Variants in CUZD1 observed in about 807,000 individuals in gnomAD.
CUZD1 encodes CUB and zona pellucida-like domain-containing protein 1.
In CUZD1, 42 loss-of-function variants were observed where a neutral mutation model predicts 53.1. That is an observed-to-expected ratio of 0.79 (90% CI 0.62 to 1.02). The LOEUF (loss-of-function observed/expected upper bound fraction) is 1.02, where lower values mean the gene tolerates loss of function less well. Among genes scored for constraint, CUZD1 ranks in the 50% least tolerant of loss-of-function variants. CUZD1 has a pLI of 0.00. For missense variants in CUZD1, 670 were observed against 715.7 expected (o/e 0.94, Z 0.73); for synonymous variants, 238 against 257.2 (o/e 0.93, Z 0.71).
rs924437049 is a variant in CUZD1, at chr10:122,832,329, A to T, written c.1773T>A (p.His591Gln). ...VVTVATITVR[H>Q]FVNQRADYKY... ...TGTAGTCTGCCCGTTGATTTACAAA[A>T]TGCCTCACTGTGATTGTCGCTACAG... Residue 591 changes from histidine (H) to glutamine (Q), a missense_variant, in exon 9 of 9, where the codon CAT becomes CAA. By Grantham distance (24) the His-to-Gln change is conservative. Coordinates refer to ENST00000392790, the MANE Select transcript of CUZD1 (RefSeq NM_022034.6). 10 of 1,614,056 alleles carry T rather than the reference A, an allele frequency of 6.2e-6. No individual in the cohort carries two copies. The highest frequency in any genetic ancestry group is 5.9e-6 in the Non-Finnish European group (7 of 1,180,010).
chr10:122,835,673 CA>C (rs1847238302), intron 6 of CUZD1, among the ~76,000 whole-genome samples: 3 of 152,000 alleles, frequency 2.0e-5, no homozygotes, highest in Admixed American at 1.3e-4. Context: ...CTAAAGAGAC[CA>C]AAGGTTGAAA....
rs1261328079 is a variant in CUZD1, at chr10:122,845,099, C to T, written c.82+663G>A. On this transcript the variant is annotated intron_variant, in intron 1 of 8. Coordinates refer to ENST00000392790, the MANE Select transcript of CUZD1 (RefSeq NM_022034.6). The stretch of plus-strand genomic sequence containing the variant: ...GTCTTTTTTTTTTTTTTTTATGAGA[C>T]GGAGTCTTGCTCTGTCACCCAGGCT... Among the ~76,000 whole-genome samples, 9 of 142,736 alleles carry T rather than the reference C, an allele frequency of 6.3e-5. No individual in the cohort carries two copies. The South Asian group carries it at 7.2e-4, about 11-fold the overall frequency. The allele number at this position is 142,736 out of a possible 152,430, so 93.6% of individuals were successfully genotyped here.
intron 5 of CUZD1, 53 bp from the exon 6 acceptor site, chr10:122,836,403 T>A (rs1847251576): frequency 7.6e-6 from 11 of 1,441,862 alleles, no homozygotes; most frequent in Non-Finnish European, 1.0e-5. Flanking sequence ...CAGCTAGGAA[T>A]GTTGGATCTT....
chr10:122,836,991 G>A lies in CUZD1; in HGVS notation c.657C>T (p.Ser219=). 1 of 1,614,084 alleles carries A rather than the reference G, an allele frequency of 6.2e-7. No individual in the cohort carries two copies. The highest frequency in any genetic ancestry group is 8.5e-7 in the Non-Finnish European group (1 of 1,179,988). The change falls in exon 5 of 9, where the codon TCC becomes TCT. Residue 219 remains serine, a synonymous_variant. Transcript: ENST00000392790. ...CTTGTCCAATCAGGCCAGAGTTGGT[G>A]GAGGGGCCATCATAGATGGCAAGAA... The part of the protein sequence containing the change: ...FDFLAIYDGP[S]TNSGLIGQVC...
chr10:122,835,143 AT>A, intron 6 of CUZD1, 46 bp from the exon 7 acceptor site: 1 of 1,433,964 alleles, frequency 7.0e-7, no homozygotes, highest in African/African-American at 1.4e-5. Flanking sequence ...AAGTCCAGTA[AT>A]ATTTTAGAGC....
chr10:122,843,632 A>T (rs1847379394), intron 1 of CUZD1, among the ~76,000 whole-genome samples: 1 of 152,048 alleles, frequency 6.6e-6, no homozygotes, highest in African/African-American at 2.4e-5. Flanking sequence ...GAACCTTGAA[A>T]ATATTATGCT....
chr10:122,841,749 G>A (rs1292138702), intron 1 of CUZD1, among the ~76,000 whole-genome samples: 1 of 152,172 alleles, frequency 6.6e-6, no homozygotes, highest in African/African-American at 2.4e-5. Context: ...GAGAGTTCCA[G>A]TTGCACCACA....
At chr10:122,845,667 C>A (rs1847426050) in intron 1 of CUZD1, 95 bp downstream of exon 1, 1 of 938,700 alleles carries the variant, frequency 1.1e-6, no homozygotes, top group Admixed American at 2.4e-5. Context: ...TGAACTGGGG[C>A]CAACAGATAT....
intron 2 of CUZD1, among the ~76,000 whole-genome samples, chr10:122,839,454 G>A (rs1457490103): frequency 6.6e-6 from 1 of 152,192 alleles, no homozygotes; most frequent in Admixed American, 6.5e-5. Context: ...CCTATGTCTT[G>A]TATCAAGTAA....
chr10:122,832,272 TGTTA>T lies in CUZD1; in HGVS notation c.*2_*5del, dbSNP rs1847172959. Reference sequence around the variant, plus strand: ...AACATGTCTCACTTAGGGTTGGACCTGTTAGTTAATAGTTCTGCAGCTTCTGGTA... The same window carrying T: ...AACATGTCTCACTTAGGGTTGGACCTGTTAATAGTTCTGCAGCTTCTGGTA... On this transcript the variant is annotated 3_prime_UTR_variant, in exon 9 of 9. Coordinates refer to ENST00000392790, the MANE Select transcript of CUZD1 (RefSeq NM_022034.6). 5 of 1,613,684 alleles carry T rather than the reference TGTTA, an allele frequency of 3.1e-6. No individual in the cohort carries two copies. The highest frequency in any genetic ancestry group is 1.7e-5 in the Admixed American group (1 of 60,006).
intron 2 of CUZD1, among the ~76,000 whole-genome samples, 189 bp from the exon 3 acceptor site, chr10:122,839,420 G>A (rs768176963): frequency 6.6e-6 from 1 of 152,132 alleles, no homozygotes; most frequent in Non-Finnish European, 1.5e-5. Context: ...AACTTTAATG[G>A]GCTCAGGGAG....
At chr10:122,834,232 G>A (rs1397964734) in intron 7 of CUZD1, among the ~76,000 whole-genome samples, 1 of 152,156 alleles carries the variant, frequency 6.6e-6, no homozygotes, top group African/African-American at 2.4e-5. Context: ...CAGTACGAAT[G>A]ACGTAGTTAA....
intron 1 of CUZD1, among the ~76,000 whole-genome samples, chr10:122,842,439 A>T (rs1847360169): frequency 6.6e-6 from 1 of 152,152 alleles, no homozygotes; most frequent in African/African-American, 2.4e-5. Flanking sequence ...ATTTGTGTGG[A>T]TCTATTTCTG....
At chr10:122,843,818 T>TATATATATATATATATATATAC (rs1359743807) in intron 1 of CUZD1, among the ~76,000 whole-genome samples, 2 of 147,286 alleles carry the variant, frequency 1.4e-5, no homozygotes, top group African/African-American at 5.0e-5. Context: ...TACATATATA[T>TATATATATATATATATATATAC]ATATATATAT....
chr10:122,843,234 T>TAC (rs1292050493), intron 1 of CUZD1, among the ~76,000 whole-genome samples: 2 of 152,208 alleles, frequency 1.3e-5, no homozygotes, highest in African/African-American at 4.8e-5. Flanking sequence ...GGTCTATCCA[T>TAC]ACATTGGAAT....
intron 4 of CUZD1, 69 bp from the exon 5 acceptor site, chr10:122,837,117 C>G (rs1847266467): frequency 8.5e-7 from 1 of 1,178,924 alleles, no homozygotes; most frequent in Non-Finnish European, 1.2e-6. Flanking sequence ...AACATCCCAA[C>G]AATCCTACTC....
At chr10:122,840,096 C>G (rs980506331) in intron 2 of CUZD1, among the ~76,000 whole-genome samples, 1 of 152,210 alleles carries the variant, frequency 6.6e-6, no homozygotes, top group African/African-American at 2.4e-5. Flanking sequence ...TTCTCTTCCC[C>G]TCTCTTCTTA....
intron 7 of CUZD1, 142 bp downstream of exon 7, chr10:122,834,564 T>A: frequency 1.9e-6 from 1 of 527,664 alleles, no homozygotes; most frequent in Non-Finnish European, 3.1e-6. Context: ...AACTATTTTA[T>A]AAAATGATTA....
Position 122,841,261 on chromosome 10 carries a change from C to T in CUZD1, c.150G>A (p.Leu50=). The T allele has an allele frequency of 6.2e-7, 1 of 1,614,002 alleles. No individual in the cohort carries two copies. Residue 50 remains leucine (L), a synonymous_variant, in exon 2 of 9, where the codon CTG becomes CTA. Coordinates refer to ENST00000392790, the MANE Select transcript of CUZD1 (RefSeq NM_022034.6). ...NMAETHKAMI[L]QLNPSENCTW... is the part of the protein sequence containing the mutation. ...TGCAGTTCTCACTGGGATTGAGTTG[C>T]AGGATCATGGCTTTGTGGGTCTCTG...
Sources: gnomAD v4.1 joint callset for allele counts (sites outside exome capture counted in the v4.1 genomes callset) on GRCh38, gnomAD v4.1.1 for gene constraint, MANE v1.5 for transcripts, NCBI Gene and HGNC (gene_info 2026-07-23, HGNC 2026-07-21) for gene names.